The following RPL5 variants were observed in gnomAD, a reference collection of about 807,000 sequenced individuals.
RPL5 encodes the protein large ribosomal subunit protein uL18.
RPL5 carries 1 observed loss-of-function variant against 38.4 expected under a neutral mutation model. That is an observed-to-expected ratio of 0.03 (90% CI 0.01 to 0.12). The LOEUF is 0.12. Ranked by LOEUF, RPL5 falls within the 10% of genes least tolerant of loss-of-function variation. RPL5 has a pLI of 1.00. For synonymous variants in RPL5, 109 were observed against 121.2 expected (o/e 0.90, Z 0.66); for missense variants, 243 against 374.1 (o/e 0.65, Z 2.89).
chr1:92,837,186 G>A, intron 5 of RPL5: 1 of 602,806 alleles, frequency 1.7e-6, no homozygotes, highest in Non-Finnish European at 3.1e-6. Context: ...CTGTGCTGAT[G>A]TGCTGGATGA....
rs1490823602 is a variant in RPL5, at chr1:92,837,471, T to C, written c.543T>C (p.Pro181=). The change falls in exon 6 of 8, where the codon CCT becomes CCC. Residue 181 remains proline, a synonymous_variant. Transcript: ENST00000370321. ...TTTATTTTAGTACCAAACGATTCCC[T>C]GGTTATGATTCTGAAAGCAAGGAAT... ...LSIPHSTKRF[P]GYDSESKEFN... The C allele has an allele frequency of 1.9e-6, 3 of 1,613,280 alleles. No individual in the cohort carries two copies. The African/African-American group carries it at 4.0e-5, about 22-fold the overall frequency.
intron 5 of RPL5, chr1:92,836,631 T>C (rs1687140617): frequency 1.9e-6 from 1 of 526,738 alleles, no homozygotes; most frequent in Non-Finnish European, 3.4e-6. Flanking sequence ...TTGAAAGAGA[T>C]GGGATTGAAA....
intron 5 of RPL5, 110 bp downstream of exon 5, chr1:92,836,502 C>A: frequency 1.0e-6 from 1 of 963,794 alleles, no homozygotes. Context: ...TGAATGCCTG[C>A]TGTATGCCTA....
intron 6 of RPL5, chr1:92,840,268 C>A: frequency 2.6e-6 from 1 of 382,256 alleles, no homozygotes. Flanking sequence ...ACTTCAGACT[C>A]CCAAAGTGCT....
chr1:92,840,185 G>GT (rs1365510872), intron 6 of RPL5: 1 of 257,662 alleles, frequency 3.9e-6, no homozygotes. Flanking sequence ...TGGCTAATTA[G>GT]TTTTTTTATG....
intron 7 of RPL5, chr1:92,840,972 G>A (rs114907162): frequency 3.4e-4 from 144 of 427,092 alleles, no homozygotes; most frequent in African/African-American, 2.8e-3. Flanking sequence ...ATAAAGTGAT[G>A]TGATGGCCCA....
At chr1:92,837,286 G>T in intron 5 of RPL5, 170 bp from the exon 6 acceptor site, 1 of 778,738 alleles carries the variant, frequency 1.3e-6, no homozygotes, top group Non-Finnish European at 2.4e-6. Context: ...TCAGAGATGA[G>T]CTGCTGAATG....
rs749814264 is a variant in RPL5, at chr1:92,836,249, T to C, written c.384T>C (p.Asp128=). The C allele has an allele frequency of 1.9e-6, 3 of 1,613,596 alleles. No homozygotes were observed. The highest frequency in any genetic ancestry group is 8.5e-7 in the Non-Finnish European group (1 of 1,179,976). ...IYEGQVEVTG[D]EYNVESIDGQ... Reference sequence around the variant, plus strand: ...AAGGCCAAGTGGAGGTGACTGGTGATGAATACAATGTGGAAAGCATTGATG... The same window carrying C: ...AAGGCCAAGTGGAGGTGACTGGTGACGAATACAATGTGGAAAGCATTGATG... The change falls in exon 5 of 8, where the codon GAT becomes GAC. Residue 128 remains aspartate (D), a synonymous_variant. Coordinates refer to ENST00000370321, the MANE Select transcript of RPL5 (RefSeq NM_000969.5).
rs769850716 is a variant in RPL5, at chr1:92,833,055, A to C, written c.4-334A>C. 1.1e-4 allele frequency: 78 copies of C among 732,084 alleles called. No individual in the cohort carries two copies. The highest frequency in any genetic ancestry group is 4.5e-4 in the Middle Eastern group (2 of 4,426). 45.3% of individuals were successfully genotyped at this position (732,084 alleles called of 1,614,324 possible). On this transcript the variant is annotated intron_variant, in intron 1 of 7. Coordinates refer to ENST00000370321, the MANE Select transcript of RPL5 (RefSeq NM_000969.5). ...TGGTCCTTGAAGAAACAAATATGGA[A>C]ATTGAAAGCGTTTAAAACCTTTTGA... is the stretch of plus-strand genomic sequence containing the variant.
rs1225844208 is a variant in RPL5 at position 92,836,207 on chromosome 1, C to T, written c.342C>T (p.Gly114=). 6.2e-7 allele frequency: 1 copy of T among 1,612,434 alleles called. No individual in the cohort carries two copies. The highest frequency in any genetic ancestry group is 1.7e-5 in the Admixed American group (1 of 60,016). The change falls in exon 5 of 8, where the codon GGC becomes GGT. Residue 114 remains glycine, a synonymous_variant. Coordinates refer to ENST00000370321, the MANE Select transcript of RPL5 (RefSeq NM_000969.5). Reference sequence around the variant, plus strand: ...TTGAATAGCTTCTCAATAGGTTTGGCATGGACAAGATCTATGAAGGCCAAG... The same window carrying T: ...TTGAATAGCTTCTCAATAGGTTTGGTATGGACAAGATCTATGAAGGCCAAG... The part of the protein sequence containing the change: ...LLARRLLNRF[G]MDKIYEGQVE...
intron 5 of RPL5, chr1:92,837,128 A>G (rs1445795449): frequency 9.6e-6 from 4 of 415,218 alleles, no homozygotes; most frequent in Non-Finnish European, 1.8e-5. Flanking sequence ...ATTCCCATGT[A>G]CCCACTGAAA....
At chr1:92,837,846 G>A (rs1007267908) in intron 6 of RPL5, 1 of 566,540 alleles carries the variant, frequency 1.8e-6, no homozygotes, top group Non-Finnish European at 3.1e-6. Context: ...TGGCTGTTCT[G>A]TATTTGTAGA....
At chr1:92,834,634 C>A in intron 3 of RPL5, 145 bp from the exon 4 acceptor site, 2 of 1,049,302 alleles carry the variant, frequency 1.9e-6, no homozygotes, top group Non-Finnish European at 2.8e-6. Context: ...CTCTAATTTA[C>A]TGGTAACCCA....
chr1:92,840,631 A>G lies in RPL5; in HGVS notation c.786A>G (p.Lys262=), dbSNP rs765742739. 3.1e-6 allele frequency: 5 copies of G among 1,608,362 alleles called. No individual in the cohort carries two copies. The highest frequency in any genetic ancestry group is 1.1e-5 in the South Asian group (1 of 91,034). The change falls in exon 7 of 8, where the codon AAA becomes AAG. Residue 262 remains lysine, a synonymous_variant. Coordinates refer to ENST00000370321, the MANE Select transcript of RPL5 (RefSeq NM_000969.5). ...AAAAGAAGCCCAAGAAAGAAGTTAA[A>G]AAGAAGAGGTATGTCGTCTTTTTTT... is the stretch of plus-strand genomic sequence containing the variant. The part of the protein sequence containing the change: ...VYEKKPKKEV[K]KKRWNRPKMS...
rs1167824108 is a variant in RPL5, at chr1:92,840,362, A to T, written c.706-189A>T. On this transcript the variant is annotated intron_variant, in intron 6 of 7. Coordinates refer to ENST00000370321, the MANE Select transcript of RPL5 (RefSeq NM_000969.5). ...GTTCTGTAGTGATAATTCACATTGC[A>T]TAAGGTGAAAATTGGGAATTTGTTA... The T allele has an allele frequency of 1.6e-5, 9 of 565,370 alleles. No homozygotes were observed. In the Admixed American group the frequency reaches 2.7e-4, roughly 17 times the overall value. 35.0% of individuals were successfully genotyped at this position (565,370 alleles called of 1,614,324 possible). A position where few individuals can be genotyped will look rare whatever the true frequency, so the allele number is the denominator to read the frequency against.
chr1:92,837,909 G>A (rs1365281617), intron 6 of RPL5: 3 of 435,702 alleles, frequency 6.9e-6, no homozygotes, highest in Admixed American at 7.4e-5. Flanking sequence ...AGAGGTGCTA[G>A]ATAATAAACT....
intron 7 of RPL5, among the ~76,000 whole-genome samples, chr1:92,841,370 GTAA>G (rs1041200094): frequency 6.6e-6 from 1 of 152,118 alleles, no homozygotes; most frequent in African/African-American, 2.4e-5. Context: ...TAAAGACTGG[GTAA>G]TAATCCATTA....
chr1:92,836,705 T>C, intron 5 of RPL5: 1 of 296,994 alleles, frequency 3.4e-6, no homozygotes, highest in Non-Finnish European at 6.4e-6. Flanking sequence ...TCTTTCCCCA[T>C]GCACTTTCTT....
chr1:92,837,659 A>G (rs1488277411), intron 6 of RPL5, 26 bp downstream of exon 6: 10 of 1,590,682 alleles, frequency 6.3e-6, no homozygotes, highest in Admixed American at 3.3e-5. Flanking sequence ...AAAAATGCCT[A>G]TATTGGTTAA....
Sources: allele counts gnomAD v4.1 joint callset (sites outside exome capture counted in the v4.1 genomes callset), GRCh38; gene constraint gnomAD v4.1.1; transcripts MANE v1.5; gene names NCBI Gene and HGNC (gene_info 2026-07-23, HGNC 2026-07-21).